ASIC2: variants seen among roughly 807,000 people sequenced by gnomAD.
ASIC2 encodes acid sensing ion channel subunit 2, also known as acid-sensing ion channel 2.
A neutral mutation model predicts 57.3 loss-of-function variants in ASIC2; 25 were observed. The observed-to-expected ratio is 0.44, with a 90% CI of 0.32 to 0.61. The LOEUF (loss-of-function observed/expected upper bound fraction) is 0.61, where lower values mean the gene tolerates loss of function less well. ASIC2 is among the 20% of genes least tolerant of loss of function. The probability of loss-of-function intolerance (pLI) is 0.06; values close to 1 mark genes in which losing one functional copy is unlikely to be tolerated. For missense variants in ASIC2, 641 were observed against 738.1 expected, an observed-to-expected ratio of 0.87 and a Z score of 1.52; for synonymous variants, 319 against 307.5, an observed-to-expected ratio of 1.04 and a Z score of -0.39.
At chr17:33,607,277 C>A (rs995084494) in intron 1 of ASIC2, among the ~76,000 whole-genome samples, 2 of 152,118 alleles carry the variant, frequency 1.3e-5, no homozygotes, top group African/African-American at 4.8e-5. Flanking sequence ...CCTGGGGGAA[C>A]GTGAGCAGTG....
chr17:33,726,016 G>A (rs545711501), intron 1 of ASIC2, among the ~76,000 whole-genome samples: 119 of 152,312 alleles, frequency 7.8e-4, no homozygotes, highest in Non-Finnish European at 1.3e-3. Flanking sequence ...TGCAAAGATG[G>A]CCTCCACTGA....
At position 33,839,322 on chromosome 17, in the gene ASIC2, G is replaced by C. The variant is rs151131709; in HGVS notation, c.555+316656C>G. Among the ~76,000 whole-genome samples, 24 of 152,302 alleles carry C rather than the reference G, an allele frequency of 1.6e-4. No homozygotes were observed. In the East Asian group the frequency reaches 4.6e-3, roughly 29 times the overall value. ...GGGTACCCAGGAACATTGGGTGAAG[G>C]CTAGCACAAGGCTTTAATGATAAAC... On this transcript the variant is annotated intron_variant, in intron 1 of 9. Coordinates refer to the ASIC2 transcript ENST00000359872.
chr17:34,125,484 G>A (rs1911752284), intron 1 of ASIC2, among the ~76,000 whole-genome samples: 1 of 152,034 alleles, frequency 6.6e-6, no homozygotes, highest in Non-Finnish European at 1.5e-5. Context: ...ATTTGTTAGA[G>A]GATGTTAGGT....
intron 1 of ASIC2, among the ~76,000 whole-genome samples, chr17:33,483,984 G>A (rs11650439): frequency 0.17 from 26,452 of 152,092 alleles, 2,732 homozygotes; most frequent in African/African-American, 0.29. Flanking sequence ...GATGATGTGA[G>A]CAGAGATGAG....
At chr17:33,249,208 C>T (rs917245078) in intron 1 of ASIC2, among the ~76,000 whole-genome samples, 2 of 152,024 alleles carry the variant, frequency 1.3e-5, no homozygotes, top group Non-Finnish European at 1.5e-5. Flanking sequence ...GTGTCCTCAC[C>T]GAGATACAGA....
intron 1 of ASIC2, among the ~76,000 whole-genome samples, chr17:34,079,992 T>C (rs925976398): frequency 4.7e-4 from 17 of 36,420 alleles, no homozygotes; most frequent in African/African-American, 1.7e-3. Context: ...ATAGGGAAGA[T>C]GATCCCCACT....
In ASIC2 at chr17:33,986,917, C is replaced by T. The variant is rs142839139; in HGVS notation, c.555+169061G>A. ...ATGGCATTTTTCAAATGCCAAGGTACGGAATCAGAGACTTGGGAGCTGTGT... is the reference window on the plus strand; with the variant it reads ...ATGGCATTTTTCAAATGCCAAGGTATGGAATCAGAGACTTGGGAGCTGTGT... On this transcript the variant is annotated intron_variant, in intron 1 of 9. Transcript: ENST00000359872. Among the ~76,000 whole-genome samples the T allele has an allele frequency of 1.1e-3, 170 of 152,308 alleles. 1 individual carries two copies. The highest frequency in any genetic ancestry group is 3.5e-3 in the African/African-American group (147 of 41,562).
intron 1 of ASIC2, among the ~76,000 whole-genome samples, chr17:33,641,282 T>C (rs1377053512): frequency 1.3e-5 from 2 of 152,172 alleles, no homozygotes; most frequent in African/African-American, 2.4e-5. Context: ...GCTGAAGAGA[T>C]TGAAAATGCA....
intron 1 of ASIC2, among the ~76,000 whole-genome samples, chr17:33,884,297 A>G (rs948747620): frequency 1.3e-5 from 2 of 152,154 alleles, no homozygotes; most frequent in Admixed American, 1.3e-4. Flanking sequence ...GCTGAATTCT[A>G]TGGTGACAAC....
intron 1 of ASIC2, among the ~76,000 whole-genome samples, chr17:33,653,217 C>T (rs1358351035): frequency 1.3e-5 from 2 of 152,166 alleles, no homozygotes; most frequent in Non-Finnish European, 2.9e-5. Context: ...GCCTTCTTCC[C>T]TGTTCTCTAT....
At chr17:33,466,278 A>T (rs1912860417) in intron 1 of ASIC2, among the ~76,000 whole-genome samples, 1 of 152,128 alleles carries the variant, frequency 6.6e-6, no homozygotes. Context: ...AATCCAACTT[A>T]ACAAGGTATG....
At chr17:34,081,486 G>A (rs1295852227) in intron 1 of ASIC2, among the ~76,000 whole-genome samples, 6 of 152,182 alleles carry the variant, frequency 3.9e-5, no homozygotes, top group African/African-American at 1.2e-4. Context: ...AGATGGTGCT[G>A]GAAAGAGCTT....
At chr17:33,707,659 A>T (rs1406611585) in intron 1 of ASIC2, among the ~76,000 whole-genome samples, 1 of 152,132 alleles carries the variant, frequency 6.6e-6, no homozygotes, top group Non-Finnish European at 1.5e-5. Context: ...CCCTTCTCTG[A>T]GTTCTGCATC....
intron 1 of ASIC2, among the ~76,000 whole-genome samples, chr17:33,523,236 A>G (rs1047316570): frequency 6.6e-6 from 1 of 152,190 alleles, no homozygotes; most frequent in African/African-American, 2.4e-5. Flanking sequence ...TAAAATGAGG[A>G]TCACAAAGCC....
intron 3 of ASIC2, among the ~76,000 whole-genome samples, chr17:33,064,519 A>G (rs955640363): frequency 3.3e-5 from 5 of 152,198 alleles, no homozygotes; most frequent in African/African-American, 1.2e-4. Context: ...ATATTGCTGA[A>G]CAGCAAATGT....
At chr17:33,239,290 CAAAAA>C (rs201050421) in intron 1 of ASIC2, among the ~76,000 whole-genome samples, 1 of 145,636 alleles carries the variant, frequency 6.9e-6, no homozygotes, top group Admixed American at 6.9e-5. Context: ...GACTCCGTCT[CAAAAA>C]AAAAAAGTCT....
intron 1 of ASIC2, among the ~76,000 whole-genome samples, chr17:33,221,175 G>T (rs1470901705): frequency 1.3e-5 from 2 of 152,134 alleles, no homozygotes; most frequent in African/African-American, 4.8e-5. Flanking sequence ...TCTAGGCCTG[G>T]CTCTGTTGTA....
chr17:33,618,100 A>G lies in ASIC2; in HGVS notation c.556-506033T>C, dbSNP rs151325417. Among the ~76,000 whole-genome samples the G allele has an allele frequency of 6.7e-3, 1,026 of 152,196 alleles. 17 individuals are homozygous for G. The highest frequency in any genetic ancestry group is 0.023 in the African/African-American group (938 of 41,546). ...AAACCTGGGGATGGATAACCTAGTTATGGACAACCTAGTTATCCATCCCCA... is the reference window on the plus strand; with the variant it reads ...AAACCTGGGGATGGATAACCTAGTTGTGGACAACCTAGTTATCCATCCCCA... On this transcript the variant is annotated intron_variant, in intron 1 of 9. Transcript: ENST00000359872.
At chr17:33,564,786 G>A (rs1238342479) in intron 1 of ASIC2, among the ~76,000 whole-genome samples, 1 of 151,710 alleles carries the variant, frequency 6.6e-6, no homozygotes, top group African/African-American at 2.4e-5. Context: ...TTATGGGAAT[G>A]GGGGCAAGGA....
Sources: allele counts gnomAD v4.1 joint callset (sites outside exome capture counted in the v4.1 genomes callset), GRCh38; gene constraint gnomAD v4.1.1; transcripts MANE v1.5; gene names NCBI Gene and HGNC (gene_info 2026-07-23, HGNC 2026-07-21).